Variants in USH2A observed in about 807,000 individuals in gnomAD.
The protein encoded by USH2A is usherin.
In USH2A, 443 loss-of-function variants were observed where a neutral mutation model predicts 538.9. That is an observed-to-expected ratio of 0.82 (90% CI 0.76 to 0.89). The LOEUF (loss-of-function observed/expected upper bound fraction) is 0.89, where lower values mean the gene tolerates loss of function less well. Among genes scored for constraint, USH2A ranks in the 40% least tolerant of loss-of-function variants. The pLI is 0.00. For missense variants in USH2A, 6,633 were observed against 6,324.8 expected (o/e 1.05, Z -1.65); for synonymous variants, 2,413 against 2,273.5 (o/e 1.06, Z -1.75).
At chr1:216,413,572 C>A (rs1032771754) in intron 3 of USH2A, among the ~76,000 whole-genome samples, 1 of 152,058 alleles carries the variant, frequency 6.6e-6, no homozygotes, top group African/African-American at 2.4e-5. Flanking sequence ...ACTTCATGAA[C>A]TGTGATTATG....
In USH2A at chr1:215,686,938, A is replaced by G. The variant is rs1481195029; in HGVS notation, c.12067-6562T>C. 2.0e-5 allele frequency among the ~76,000 whole-genome samples: 3 copies of G among 152,114 alleles called. No homozygotes were observed. The East Asian group carries it at 5.8e-4, about 29-fold the overall frequency. On this transcript the variant is annotated intron_variant, in intron 61 of 71. Transcript: ENST00000307340. ...ATTGAGGCAGGAAGTATAATAACTG[A>G]ATGGTGTTAAAACCAATTTTCCTAT...
intron 36 of USH2A, among the ~76,000 whole-genome samples, chr1:215,968,588 T>G (rs570524529): frequency 6.6e-6 from 1 of 152,250 alleles, no homozygotes; most frequent in African/African-American, 2.4e-5. Context: ...CCATATCATA[T>G]TTGGGACTGT....
chr1:215,638,857 A>G (rs1279611738), intron 69 of USH2A, among the ~76,000 whole-genome samples: 3 of 151,414 alleles, frequency 2.0e-5, no homozygotes, highest in Admixed American at 2.0e-4. Flanking sequence ...CCGTGCCTGT[A>G]ATCCCAGCTA....
intron 3 of USH2A, among the ~76,000 whole-genome samples, chr1:216,382,788 A>T (rs1306588411): frequency 4.6e-5 from 7 of 152,150 alleles, no homozygotes; most frequent in Admixed American, 4.6e-4. Flanking sequence ...GGTTTGGGGT[A>T]ATTGGAATAA....
chr1:216,198,256 T>G, intron 18 of USH2A, 59 bp downstream of exon 18: 2 of 1,611,214 alleles, frequency 1.2e-6, no homozygotes, highest in Non-Finnish European at 1.7e-6. Flanking sequence ...TGACTTTAAT[T>G]TGAGGAAACA....
chr1:216,274,328 G>A (rs948129063), intron 11 of USH2A, among the ~76,000 whole-genome samples: 6 of 152,150 alleles, frequency 3.9e-5, no homozygotes, highest in Admixed American at 3.9e-4. Flanking sequence ...TTTTAGAAAA[G>A]GCATTTATGA....
At chr1:215,797,436 C>T (rs1329686975) in intron 50 of USH2A, among the ~76,000 whole-genome samples, 1 of 152,116 alleles carries the variant, frequency 6.6e-6, no homozygotes, top group Admixed American at 6.6e-5. Context: ...CCAACTAGAG[C>T]TTTCATAGGT....
intron 3 of USH2A, among the ~76,000 whole-genome samples, chr1:216,413,165 A>G (rs748738829): frequency 6.6e-6 from 1 of 152,030 alleles, no homozygotes; most frequent in Non-Finnish European, 1.5e-5. Context: ...ACAAAGAAAC[A>G]TTTAGCACAC....
chr1:215,772,133 G>A (rs1395883713), intron 55 of USH2A, among the ~76,000 whole-genome samples: 2 of 152,102 alleles, frequency 1.3e-5, no homozygotes, highest in Admixed American at 1.3e-4. Flanking sequence ...GCCTCTATCG[G>A]TAGTCCTTAA....
intron 49 of USH2A, among the ~76,000 whole-genome samples, chr1:215,809,776 G>A (rs984669574): frequency 1.3e-5 from 2 of 151,956 alleles, no homozygotes; most frequent in Non-Finnish European, 2.9e-5. Context: ...AGAAAGTCAT[G>A]AGAAAAAAAA....
At chr1:216,305,730 G>A (rs1316019444) in intron 9 of USH2A, among the ~76,000 whole-genome samples, 1 of 152,040 alleles carries the variant, frequency 6.6e-6, no homozygotes, top group Non-Finnish European at 1.5e-5. Flanking sequence ...CTAAACATTT[G>A]TTTGTCGGAA....
intron 61 of USH2A, among the ~76,000 whole-genome samples, chr1:215,685,651 C>A (rs1658402147): frequency 1.3e-5 from 2 of 151,928 alleles, no homozygotes; most frequent in Admixed American, 6.6e-5. Flanking sequence ...AGCCACAGAG[C>A]CTGGCCATCA....
chr1:215,668,394 C>A (rs369984642), intron 64 of USH2A, among the ~76,000 whole-genome samples: 208 of 152,252 alleles, frequency 1.4e-3, no homozygotes, highest in African/African-American at 4.9e-3. Flanking sequence ...TTAATCTATG[C>A]TTTTCAAAAT....
intron 70 of USH2A, among the ~76,000 whole-genome samples, chr1:215,630,440 A>G: frequency 6.8e-6 from 1 of 147,120 alleles, no homozygotes; most frequent in African/African-American, 2.5e-5. Context: ...GTGTGTATAT[A>G]TACATATATA....
intron 21 of USH2A, among the ~76,000 whole-genome samples, chr1:216,138,421 T>C (rs2033529208): frequency 6.6e-6 from 1 of 152,224 alleles, no homozygotes; most frequent in Non-Finnish European, 1.5e-5. Context: ...TGTTATGTAG[T>C]CCGTGCAGCT....
intron 44 of USH2A, among the ~76,000 whole-genome samples, chr1:215,856,171 G>A (rs540399814): frequency 6.6e-6 from 1 of 152,146 alleles, no homozygotes; most frequent in Admixed American, 6.5e-5. Context: ...GCAACAAAAA[G>A]AAAGATAAAT....
intron 37 of USH2A, among the ~76,000 whole-genome samples, chr1:215,950,984 T>C (rs1666898574): frequency 6.6e-6 from 1 of 152,226 alleles, no homozygotes; most frequent in African/African-American, 2.4e-5. Context: ...TCAATTTTGT[T>C]GATCTTTTCA....
intron 3 of USH2A, among the ~76,000 whole-genome samples, chr1:216,411,800 A>G (rs1167850383): frequency 6.6e-6 from 1 of 152,154 alleles, no homozygotes; most frequent in Non-Finnish European, 1.5e-5. Context: ...ACTTGATTTC[A>G]GCTTTCTAGC....
intron 64 of USH2A, among the ~76,000 whole-genome samples, chr1:215,651,411 A>C (rs1024332624): frequency 2.0e-5 from 3 of 152,194 alleles, no homozygotes; most frequent in Admixed American, 6.5e-5. Flanking sequence ...AATTAGGCCC[A>C]ATAATAGCCA....
Sources: allele counts gnomAD v4.1 joint callset (sites outside exome capture counted in the v4.1 genomes callset), GRCh38; gene constraint gnomAD v4.1.1; transcripts MANE v1.5; gene names NCBI Gene and HGNC (gene_info 2026-07-23, HGNC 2026-07-21).